Variants in DPP6 observed in about 807,000 individuals in gnomAD.
The protein encoded by DPP6 is dipeptidyl peptidase like 6, also known as A-type potassium channel modulatory protein DPP6.
A neutral mutation model predicts 122.6 loss-of-function variants in DPP6; 69 were observed. The observed-to-expected ratio is 0.56, with a 90% CI of 0.46 to 0.69. The LOEUF (loss-of-function observed/expected upper bound fraction) is 0.69, where lower values mean the gene tolerates loss of function less well. Ranked by LOEUF, DPP6 falls within the 30% of genes least tolerant of loss-of-function variation. The probability of loss-of-function intolerance (pLI) is 0.00; values close to 1 mark genes in which losing one functional copy is unlikely to be tolerated. For missense variants in DPP6, 928 were observed against 1,116.9 expected, an observed-to-expected ratio of 0.83 and a Z score of 2.41; for synonymous variants, 418 against 433.1, an observed-to-expected ratio of 0.97 and a Z score of 0.43.
intron 7 of DPP6, among the ~76,000 whole-genome samples, chr7:154,698,692 A>G (rs1840351262): frequency 6.6e-6 from 1 of 152,184 alleles, no homozygotes; most frequent in Non-Finnish European, 1.5e-5. Context: ...TGCTCCATTT[A>G]TCTTTTAATG....
At chr7:153,804,785 G>A in the DPP6 span, among the ~76,000 whole-genome samples, 2 of 152,062 alleles carry the variant, frequency 1.3e-5, no homozygotes, top group African/African-American at 2.4e-5. Context: ...TCGGGAGGCT[G>A]AGGCAGGAGA....
chr7:154,398,947 G>A (rs971618925), intron 1 of DPP6, among the ~76,000 whole-genome samples: 1 of 152,088 alleles, frequency 6.6e-6, no homozygotes, highest in African/African-American at 2.4e-5. Context: ...GTTTCTCCAG[G>A]GTAAAATATT....
the DPP6 span, among the ~76,000 whole-genome samples, chr7:153,812,383 C>A: frequency 1.3e-5 from 2 of 152,000 alleles, no homozygotes; most frequent in South Asian, 4.2e-4. Context: ...TGTACCAATT[C>A]CTCACCCAGG....
chr7:154,714,512 G>A (rs901465904), intron 7 of DPP6, among the ~76,000 whole-genome samples: 1 of 152,116 alleles, frequency 6.6e-6, no homozygotes, highest in Admixed American at 6.6e-5. Context: ...GAACCTCTTC[G>A]CAGGGCAGCA....
the DPP6 span, among the ~76,000 whole-genome samples, chr7:153,831,669 T>C: frequency 6.6e-6 from 1 of 152,236 alleles, no homozygotes; most frequent in Non-Finnish European, 1.5e-5. Flanking sequence ...ATATAATTTT[T>C]TGTGTCACAA....
At position 154,618,693 on chromosome 7, in the gene DPP6, G is replaced by A. The variant is rs1040196155; in HGVS notation, c.628-19128G>A. 6.6e-6 allele frequency among the ~76,000 whole-genome samples: 1 copy of A among 152,158 alleles called. No homozygotes were observed. The highest frequency in any genetic ancestry group is 6.5e-5 in the Admixed American group (1 of 15,280). On this transcript the variant is annotated intron_variant, in intron 5 of 25. Transcript: ENST00000377770. This position sits in a 1 kb window ranked among gnomAD's most constrained non-coding sequence, Gnocchi z 4.1. Reference sequence around the variant, plus strand: ...CCATATCCATGTGCTGCTCTTACATGTACTGAAAACTCAGCACATGCCTAC... The same window carrying A: ...CCATATCCATGTGCTGCTCTTACATATACTGAAAACTCAGCACATGCCTAC...
intron 1 of DPP6, among the ~76,000 whole-genome samples, chr7:154,134,901 G>C (rs990573256): frequency 1.3e-5 from 2 of 151,956 alleles, no homozygotes; most frequent in Non-Finnish European, 2.9e-5. Context: ...TACTTCCTGT[G>C]AGTTTACACT....
At chr7:153,805,907 C>T in the DPP6 span, among the ~76,000 whole-genome samples, 8 of 151,806 alleles carry the variant, frequency 5.3e-5, no homozygotes, top group African/African-American at 9.7e-5. Context: ...ATGTAAATGA[C>T]GAGTTACTGG....
intron 1 of DPP6, among the ~76,000 whole-genome samples, chr7:154,245,929 G>T (rs188552198): frequency 2.6e-5 from 4 of 152,118 alleles, no homozygotes; most frequent in Non-Finnish European, 5.9e-5. Flanking sequence ...CATAGTCATT[G>T]TGACTTAATT....
At chr7:153,986,432 C>T (rs1796854985) in intron 1 of DPP6, among the ~76,000 whole-genome samples, 2 of 151,674 alleles carry the variant, frequency 1.3e-5, no homozygotes, top group South Asian at 2.1e-4. Context: ...TGTGATCCAG[C>T]GAAGTATTTG....
rs1484987412 is a variant in DPP6 at position 154,684,929 on chromosome 7, T to C, written c.762+15488T>C. On this transcript the variant is annotated intron_variant, in intron 7 of 25. Transcript: ENST00000377770. The stretch of plus-strand genomic sequence containing the variant: ...CTTAGGGAATGCTGCCTTTTAAATT[T>C]CCTATGTTACTGCATGACAAGATTA... Among the ~76,000 whole-genome samples, 4 of 152,220 alleles carry C rather than the reference T, an allele frequency of 2.6e-5. No homozygotes were observed. The East Asian group carries it at 7.7e-4, about 29-fold the overall frequency.
At chr7:154,169,066 GAC>G (rs1402902489) in intron 1 of DPP6, among the ~76,000 whole-genome samples, 1 of 148,504 alleles carries the variant, frequency 6.7e-6, no homozygotes, top group Non-Finnish European at 1.5e-5. Context: ...GTGCAGCTGA[GAC>G]CCTACCCATA....
At position 154,151,710 on chromosome 7, in the gene DPP6, C is replaced by A. The variant is rs1187463883; in HGVS notation, c.243+98647C>A. Among the ~76,000 whole-genome samples the A allele has an allele frequency of 3.9e-5, 6 of 151,904 alleles. 1 individual carries two copies. Among genetic ancestry groups the A allele is most frequent in the Non-Finnish European group, 8.8e-5 (6 of 67,996 alleles). On this transcript the variant is annotated intron_variant, in intron 1 of 25. Transcript: ENST00000377770. ...ATGGCATTCGACTGCAGCTGGTCTC[C>A]AGTTGGGACCACATCAGTGCCTCCC...
chr7:153,773,330 A>ATATT, the DPP6 span, among the ~76,000 whole-genome samples: 5 of 139,958 alleles, frequency 3.6e-5, no homozygotes, highest in South Asian at 2.2e-4. Context: ...ATATATATAT[A>ATATT]TTTTTTTTTA....
At chr7:154,576,247 C>T (rs1053615884) in intron 5 of DPP6, among the ~76,000 whole-genome samples, 9 of 152,086 alleles carry the variant, frequency 5.9e-5, no homozygotes, top group South Asian at 2.1e-4. Context: ...GGCGCATCTC[C>T]GTCTGCGTCC....
chr7:154,253,581 C>A (rs1331746182), intron 1 of DPP6, among the ~76,000 whole-genome samples: 1 of 152,082 alleles, frequency 6.6e-6, no homozygotes, highest in Non-Finnish European at 1.5e-5. Context: ...TTGCAATTTT[C>A]TAAGAATATG....
intron 16 of DPP6, among the ~76,000 whole-genome samples, chr7:154,839,984 T>C (rs73485620): frequency 0.023 from 3,491 of 152,216 alleles, 128 homozygotes; most frequent in African/African-American, 0.079. Flanking sequence ...GGGAGGTATT[T>C]AGCAGGCACA....
At chr7:154,725,358 T>C (rs554142087) in intron 7 of DPP6, among the ~76,000 whole-genome samples, 1 of 152,334 alleles carries the variant, frequency 6.6e-6, no homozygotes. Flanking sequence ...AGAGGTTTAA[T>C]TGACACACTG....
At chr7:154,791,059 C>A (rs1470422322) in intron 10 of DPP6, among the ~76,000 whole-genome samples, 1 of 152,078 alleles carries the variant, frequency 6.6e-6, no homozygotes, top group Non-Finnish European at 1.5e-5. Flanking sequence ...TGAGACCAGC[C>A]TGGCCAACAT....
Sources: allele counts gnomAD v4.1 joint callset (sites outside exome capture counted in the v4.1 genomes callset), GRCh38; gene constraint gnomAD v4.1.1; non-coding constraint Gnocchi (gnomAD v3.1); transcripts MANE v1.5; gene names NCBI Gene and HGNC (gene_info 2026-07-23, HGNC 2026-07-21).